Variants in CNOT4 observed in about 807,000 individuals in gnomAD.
The protein encoded by CNOT4 is CCR4-associated factor 4.
Under a neutral mutation model 73.8 loss-of-function variants are expected in CNOT4, and 8 were observed. The ratio of observed to expected loss-of-function variants is 0.11; its 90% CI spans 0.06 to 0.20. The LOEUF (loss-of-function observed/expected upper bound fraction) is 0.20. Among genes scored for constraint, CNOT4 ranks in the 10% least tolerant of loss-of-function variants. The pLI is 1.00. For synonymous variants in CNOT4, 293 were observed against 321.1 expected (o/e 0.91, Z 0.94); for missense variants, 564 against 883.4 (o/e 0.64, Z 4.58).
chr7:135,418,461 T>G (rs999555669), intron 3 of CNOT4, among the ~76,000 whole-genome samples: 1 of 152,318 alleles, frequency 6.6e-6, no homozygotes, highest in Non-Finnish European at 1.5e-5. Context: ...CCAAAATATC[T>G]TGCTATATAT....
At chr7:135,483,565 C>A in intron 1 of CNOT4, among the ~76,000 whole-genome samples, 1 of 151,826 alleles carries the variant, frequency 6.6e-6, no homozygotes, top group Middle Eastern at 3.2e-3. Flanking sequence ...TGGTTCATGC[C>A]TGTAATCCCA....
At chr7:135,487,259 A>G (rs1328652067) in intron 1 of CNOT4, among the ~76,000 whole-genome samples, 1 of 150,622 alleles carries the variant, frequency 6.6e-6, no homozygotes, top group Non-Finnish European at 1.5e-5. Flanking sequence ...TTATTTTTGG[A>G]GACAGGGTCT....
chr7:135,374,844 T>A (rs1192488593), intron 10 of CNOT4, among the ~76,000 whole-genome samples: 1 of 152,200 alleles, frequency 6.6e-6, no homozygotes, highest in Non-Finnish European at 1.5e-5. Flanking sequence ...AAGGGTAGAA[T>A]GGAAAAGATC....
At chr7:135,452,004 T>C (rs1403425326) in intron 1 of CNOT4, among the ~76,000 whole-genome samples, 1 of 152,092 alleles carries the variant, frequency 6.6e-6, no homozygotes, top group Non-Finnish European at 1.5e-5. Flanking sequence ...TCCCAGCACT[T>C]TGTGAGGCTG....
intron 1 of CNOT4, among the ~76,000 whole-genome samples, chr7:135,470,289 C>A (rs1404061886): frequency 6.6e-6 from 1 of 151,906 alleles, no homozygotes; most frequent in African/African-American, 2.4e-5. Context: ...TAACCCCATG[C>A]CCCACTAGTT....
intron 8 of CNOT4, among the ~76,000 whole-genome samples, chr7:135,396,353 G>A (rs1378703547): frequency 3.3e-5 from 5 of 152,106 alleles, no homozygotes; most frequent in African/African-American, 4.8e-5. Flanking sequence ...TCCTGACCTC[G>A]TGATCCACCC....
At chr7:135,407,074 T>A (rs560170215) in intron 7 of CNOT4, among the ~76,000 whole-genome samples, 2 of 152,294 alleles carry the variant, frequency 1.3e-5, no homozygotes, top group African/African-American at 4.8e-5. Flanking sequence ...TGCTCTGAGT[T>A]CACAGGAGAT....
At chr7:135,387,813 A>G in intron 10 of CNOT4, 1 of 980,076 alleles carries the variant, frequency 1.0e-6, no homozygotes, top group Non-Finnish European at 1.2e-6. Flanking sequence ...TATTCTCTTG[A>G]TTAAAATTAT....
chr7:135,445,664 T>A (rs1799779979), intron 1 of CNOT4, among the ~76,000 whole-genome samples: 2 of 152,186 alleles, frequency 1.3e-5, no homozygotes, highest in African/African-American at 2.4e-5. Flanking sequence ...AAATTGTTAT[T>A]TTCGCACAAT....
intron 10 of CNOT4, among the ~76,000 whole-genome samples, chr7:135,392,456 T>C (rs111766241): frequency 0.035 from 5,355 of 152,174 alleles, 323 homozygotes; most frequent in African/African-American, 0.12. Flanking sequence ...GATACACTAC[T>C]AGTAATTAAA....
intron 1 of CNOT4, among the ~76,000 whole-genome samples, chr7:135,507,830 A>T (rs1487619229): frequency 6.6e-6 from 1 of 152,196 alleles, no homozygotes; most frequent in Non-Finnish European, 1.5e-5. Context: ...TCCTACTGAT[A>T]AACTAAATGT....
rs914448340 is a variant in CNOT4 at position 135,398,286 on chromosome 7, C to T, written c.822-60G>A. ...TATAGTCATTCTCCTACAATAAAAA[C>T]AAACTCCTCAAAAGAAAAAAAAAAC... On this transcript the variant is annotated intron_variant, in intron 7 of 11. Coordinates refer to ENST00000541284, the MANE Select transcript of CNOT4 (RefSeq NM_001190850.2). 60 of 824,612 alleles carry T rather than the reference C, an allele frequency of 7.3e-5. No homozygotes were observed. In the East Asian group the frequency reaches 1.3e-3, roughly 17 times the overall value. 51.1% of individuals were successfully genotyped at this position (824,612 alleles called of 1,614,324 possible).
chr7:135,363,271 C>A lies in CNOT4; in HGVS notation c.1841-85G>T. ...GTCAAACAAATTTAGAAAGCAAAAC[C>A]AAAAGGAAAGACAGAAGAGATTACA... is the stretch of plus-strand genomic sequence containing the variant. On this transcript the variant is annotated intron_variant, in intron 11 of 11. Transcript: ENST00000541284. The surrounding 1 kb of genome is among the most constrained non-coding windows in gnomAD (Gnocchi z 4.3). 8.0e-7 allele frequency: 1 copy of A among 1,250,126 alleles called. No individual in the cohort carries two copies. Among genetic ancestry groups the A allele is most frequent in the Non-Finnish European group, 1.2e-6 (1 of 866,506 alleles). The allele number at this position is 1,250,126 out of a possible 1,614,324, so 77.4% of individuals were successfully genotyped here.
intron 1 of CNOT4, among the ~76,000 whole-genome samples, chr7:135,462,508 T>G (rs1465188989): frequency 6.6e-6 from 1 of 152,200 alleles, no homozygotes; most frequent in Non-Finnish European, 1.5e-5. Context: ...GGAGGAGAGT[T>G]ATCAACCGCA....
chr7:135,448,753 TAA>T (rs747715472), intron 1 of CNOT4, among the ~76,000 whole-genome samples: 3 of 151,852 alleles, frequency 2.0e-5, no homozygotes, highest in Admixed American at 6.6e-5. Context: ...ACAATATCGA[TAA>T]AGAGACATTA....
At chr7:135,426,665 G>A (rs1298252574) in intron 2 of CNOT4, among the ~76,000 whole-genome samples, 3 of 151,536 alleles carry the variant, frequency 2.0e-5, no homozygotes, top group Non-Finnish European at 2.9e-5. Context: ...GCTCATGCCT[G>A]TAATCCCAGT....
intron 1 of CNOT4, among the ~76,000 whole-genome samples, chr7:135,496,471 T>C (rs895330312): frequency 2.0e-5 from 3 of 152,206 alleles, no homozygotes; most frequent in Non-Finnish European, 2.9e-5. Flanking sequence ...CCATTCTTAG[T>C]GTACTCAGTG....
At chr7:135,487,066 T>C (rs909146705) in intron 1 of CNOT4, among the ~76,000 whole-genome samples, 9 of 152,138 alleles carry the variant, frequency 5.9e-5, no homozygotes, top group Non-Finnish European at 1.0e-4. Flanking sequence ...CAAATTCCTA[T>C]TATCTGTATT....
At chr7:135,489,391 CTT>C (rs71174525) in intron 1 of CNOT4, among the ~76,000 whole-genome samples, 145 of 84,720 alleles carry the variant, frequency 1.7e-3, no homozygotes, top group African/African-American at 5.9e-3. Flanking sequence ...AGTCACATTT[CTT>C]TTTTTTTTTT....
Sources: allele counts gnomAD v4.1 joint callset (sites outside exome capture counted in the v4.1 genomes callset), GRCh38; gene constraint gnomAD v4.1.1; non-coding constraint Gnocchi (gnomAD v3.1); transcripts MANE v1.5; gene names NCBI Gene and HGNC (gene_info 2026-07-23, HGNC 2026-07-21).